The following TMEM130 variants were observed in gnomAD, a reference collection of about 807,000 sequenced individuals.
TMEM130 encodes the protein transmembrane protein 130.
In TMEM130, 37 loss-of-function variants were observed where a neutral mutation model predicts 42.9. The observed-to-expected ratio is 0.86, with a 90% CI of 0.66 to 1.13. The LOEUF (loss-of-function observed/expected upper bound fraction) is 1.13. Ranked by LOEUF, TMEM130 falls within the 50% of genes most tolerant of loss-of-function variation. The pLI is 0.00. For synonymous variants in TMEM130, 259 were observed against 237.7 expected (o/e 1.09, Z -0.82); for missense variants, 545 against 562.6 (o/e 0.97, Z 0.32).
chr7:98,867,525 G>C (rs1455866041), intron 1 of TMEM130, among the ~76,000 whole-genome samples: 4 of 152,200 alleles, frequency 2.6e-5, no homozygotes, highest in African/African-American at 9.7e-5. Context: ...CTGGCAGGTA[G>C]CAGGGACATT....
Position 98,848,047 on chromosome 7 carries a change from G to A in TMEM130, c.*9C>T, listed in dbSNP as rs782748745. ...GTTAACACTGAGATGGGGTGGGGAG[G>A]GGGAGTGCTCACACGGTGTAAGTTT... On this transcript the variant is annotated 3_prime_UTR_variant, in exon 8 of 8. Transcript: ENST00000339375. 2 of 1,610,542 alleles carry A rather than the reference G, an allele frequency of 1.2e-6. No individual in the cohort carries two copies.
At chr7:98,865,522 T>G (rs1794887977) in intron 1 of TMEM130, among the ~76,000 whole-genome samples, 1 of 152,036 alleles carries the variant, frequency 6.6e-6, no homozygotes, top group Non-Finnish European at 1.5e-5. Flanking sequence ...GCAGGAGAAT[T>G]GCTTGAACCC....
At chr7:98,863,517 G>T (rs1794836451) in intron 1 of TMEM130, 117 bp from the exon 2 acceptor site, 3 of 1,088,698 alleles carry the variant, frequency 2.8e-6, no homozygotes, top group Non-Finnish European at 3.8e-6. Context: ...TGAGGCTCAG[G>T]CAGCTCAAGT....
chr7:98,869,654 TGCGCGCAGGGCG>T lies in TMEM130; in HGVS notation c.85+111_85+122del, dbSNP rs1220094595. On this transcript the variant is annotated intron_variant, in intron 1 of 7. Coordinates refer to ENST00000339375, the MANE Select transcript of TMEM130 (RefSeq NM_152913.3). This position sits in a 1 kb window ranked among gnomAD's most constrained non-coding sequence, Gnocchi z 4.7. ...CAGTGGCCTCAGCCGAGGAGGGAGATGCGCGCAGGGCGCACGGTGCCACCTCCGCAATCCCTG... is the reference window on the plus strand; with the variant it reads ...CAGTGGCCTCAGCCGAGGAGGGAGATCACGGTGCCACCTCCGCAATCCCTG... 1.4e-6 allele frequency: 1 copy of T among 735,392 alleles called. No homozygotes were observed. Among genetic ancestry groups the T allele is most frequent in the African/African-American group, 1.9e-5 (1 of 53,920 alleles). 45.6% of individuals were successfully genotyped at this position (735,392 alleles called of 1,614,324 possible). A position where few individuals can be genotyped will look rare whatever the true frequency, so the allele number is the denominator to read the frequency against.
Position 98,850,266 on chromosome 7 carries a change from TATATA to T in TMEM130, c.1006+1150_1006+1154del, listed in dbSNP as rs1404711272. Among the ~76,000 whole-genome samples the T allele has an allele frequency of 5.3e-3, 280 of 52,338 alleles. 6 individuals are homozygous for T. The highest frequency in any genetic ancestry group is 0.016 in the African/African-American group (265 of 16,732). The allele number at this position is 52,338 out of a possible 152,430, so 34.3% of individuals were successfully genotyped here. Reference sequence around the variant, plus strand: ...TGTCTCTCTCATATATATATATATATATATATATTTTTTTTTTTTTTTAATTTTTT... The same window carrying T: ...TGTCTCTCTCATATATATATATATATTATTTTTTTTTTTTTTTAATTTTTT... On this transcript the variant is annotated intron_variant, in intron 6 of 7. Transcript: ENST00000339375.
At position 98,863,128 on chromosome 7, in the gene TMEM130, C is replaced by T; in HGVS notation, c.358G>A (p.Val120Met). 2 of 1,613,740 alleles carry T rather than the reference C, an allele frequency of 1.2e-6. No individual in the cohort carries two copies. Among genetic ancestry groups the T allele is most frequent in the South Asian group, 2.2e-5 (2 of 91,082 alleles). Reference sequence around the variant, plus strand: ...GGGAGGACCACAAAGCCCCTGGCCACAGGCTGGCACATCCAGCAGTCAGCG... The same window carrying T: ...GGGAGGACCACAAAGCCCCTGGCCATAGGCTGGCACATCCAGCAGTCAGCG... ...TAADCWMCQPVARGFVVLPIT... is the reference protein window; with the variant it reads ...TAADCWMCQPMARGFVVLPIT... Residue 120 changes from valine to methionine, a missense_variant, in exon 2 of 8, where the codon GTG becomes ATG. By Grantham distance (21) the Val-to-Met change is conservative. Transcript: ENST00000339375.
At chr7:98,865,234 C>T (rs890597850) in intron 1 of TMEM130, among the ~76,000 whole-genome samples, 16 of 152,222 alleles carry the variant, frequency 1.1e-4, no homozygotes, top group African/African-American at 3.6e-4. Context: ...GGACCCCATC[C>T]CTACCGTGTT....
At chr7:98,853,047 T>C (rs556102293) in intron 5 of TMEM130, among the ~76,000 whole-genome samples, 6 of 152,254 alleles carry the variant, frequency 3.9e-5, no homozygotes, top group Non-Finnish European at 8.8e-5. Flanking sequence ...GCTCAGAAGC[T>C]GGAAAATGCA....
intron 6 of TMEM130, 45 bp downstream of exon 6, chr7:98,851,376 G>A: frequency 6.3e-7 from 1 of 1,585,404 alleles, no homozygotes; most frequent in Non-Finnish European, 8.7e-7. Context: ...GGACAGGCTT[G>A]TGCTGCCCAT....
rs781796366 is a variant in TMEM130 at position 98,851,522 on chromosome 7, G to C, written c.905C>G (p.Thr302Ser). ...VSVASTAYNL[T>S]HTFRDPGDYC... ...GTCCCCAGGGTCCCTGAAGGTGTGG[G>C]TCAGGTTGTACGCTGTGCTGGCCAC... The change falls in exon 6 of 8, where the codon ACC becomes AGC. Residue 302 changes from threonine to serine, a missense_variant. By Grantham distance (58) the Thr-to-Ser change is moderately conservative. Coordinates refer to ENST00000339375, the MANE Select transcript of TMEM130 (RefSeq NM_152913.3). 1.3e-5 allele frequency: 21 copies of C among 1,613,976 alleles called. No individual in the cohort carries two copies. In the Admixed American group the frequency reaches 2.3e-4, roughly 18 times the overall value.
At chr7:98,862,439 A>G (rs1261946443) in intron 2 of TMEM130, among the ~76,000 whole-genome samples, 8 of 145,968 alleles carry the variant, frequency 5.5e-5, no homozygotes, top group African/African-American at 2.1e-4. Context: ...GGGGAGAAAG[A>G]GGGGAGAAAG....
At position 98,863,409 on chromosome 7, in the gene TMEM130, C is replaced by A; in HGVS notation, c.86-9G>T. ...ATTGAGTTCATACAGGCCTAGGAGC[C>A]CAGAAACAAAGACTGTGTTTCAGAA... On this transcript the variant is annotated splice_polypyrimidine_tract_variant and intron_variant, in intron 1 of 7. Coordinates refer to ENST00000339375, the MANE Select transcript of TMEM130 (RefSeq NM_152913.3). 1.3e-6 allele frequency: 2 copies of A among 1,561,074 alleles called. No individual in the cohort carries two copies. The highest frequency in any genetic ancestry group is 1.7e-6 in the Non-Finnish European group (2 of 1,156,354).
chr7:98,869,780 C>A lies in TMEM130; in HGVS notation c.82G>T (p.Ala28Ser). The A allele has an allele frequency of 7.1e-7, 1 of 1,407,918 alleles. No homozygotes were observed. Among genetic ancestry groups the A allele is most frequent in the Non-Finnish European group, 9.2e-7 (1 of 1,083,086 alleles). The allele number at this position is 1,407,918 out of a possible 1,614,324, so 87.2% of individuals were successfully genotyped here. A position where few individuals can be genotyped will look rare whatever the true frequency, so the allele number is the denominator to read the frequency against. ...GCCGGATTGCCCAGCGCCTTACCTG[C>A]GGCCACCCCTGCCGGGGCCCAGGGC... ...LLPWAPAGVA[A>S]GLYELNLTTD... The change falls in exon 1 of 8, where the codon GCA becomes TCA. Residue 28 changes from alanine to serine, a missense_variant. Transcript: ENST00000339375. The surrounding 1 kb of genome is among the most constrained non-coding windows in gnomAD (Gnocchi z 4.7).
At chr7:98,862,280 CAAAG>C (rs879976980) in intron 2 of TMEM130, among the ~76,000 whole-genome samples, 12,014 of 135,934 alleles carry the variant, frequency 0.088, 1,576 homozygotes, top group African/African-American at 0.29. Flanking sequence ...GAGACAGAGA[CAAAG>C]AGACAGAGAC....
At chr7:98,855,469 T>G (rs1223098483) in intron 4 of TMEM130, 145 bp from the exon 5 acceptor site, 1 of 659,992 alleles carries the variant, frequency 1.5e-6, no homozygotes, top group Non-Finnish European at 2.4e-6. Context: ...GGGGTTCCTC[T>G]GGGTCCTGCC....
chr7:98,851,113 G>C (rs1389102926), intron 6 of TMEM130, among the ~76,000 whole-genome samples: 9 of 152,150 alleles, frequency 5.9e-5, no homozygotes, highest in Non-Finnish European at 1.2e-4. Context: ...AGCTGAGTTG[G>C]TTACAGTTGT....
chr7:98,868,181 A>C (rs972971788), intron 1 of TMEM130, among the ~76,000 whole-genome samples: 1 of 152,216 alleles, frequency 6.6e-6, no homozygotes, highest in Non-Finnish European at 1.5e-5. Context: ...GTGAGCCAAG[A>C]TTGTGCCACT....
rs146412211 is a variant in TMEM130, at chr7:98,858,632, CTT to C, written c.551+1545_551+1546del. Among the ~76,000 whole-genome samples, 987 of 152,184 alleles carry C rather than the reference CTT, an allele frequency of 6.5e-3. 8 individuals are homozygous for C. Among genetic ancestry groups the C allele is most frequent in the African/African-American group, 0.023 (960 of 41,528 alleles). On this transcript the variant is annotated intron_variant, in intron 3 of 7. Coordinates refer to ENST00000339375, the MANE Select transcript of TMEM130 (RefSeq NM_152913.3). ...TTGAGAAGCTGAGATGGGAGGATCT[CTT>C]GAGCCCAGGAGGTCGAGACCAGCCT... is the stretch of plus-strand genomic sequence containing the variant.
chr7:98,848,449 T>C, intron 7 of TMEM130, 134 bp downstream of exon 7: 1 of 776,606 alleles, frequency 1.3e-6, no homozygotes, highest in Non-Finnish European at 2.2e-6. Flanking sequence ...CTTGGGCACA[T>C]CACCCCAAGT....
Sources: allele counts gnomAD v4.1 joint callset (sites outside exome capture counted in the v4.1 genomes callset), GRCh38; gene constraint gnomAD v4.1.1; non-coding constraint Gnocchi (gnomAD v3.1); transcripts MANE v1.5; gene names NCBI Gene and HGNC (gene_info 2026-07-23, HGNC 2026-07-21).